GALNT13: variants seen among roughly 807,000 people sequenced by gnomAD.
The protein encoded by GALNT13 is UDP-GalNAc:polypeptide N-acetylgalactosaminyltransferase 13.
GALNT13 carries 28 observed loss-of-function variants against 64.2 expected under a neutral mutation model. The ratio of observed to expected loss-of-function variants is 0.44; its 90% CI spans 0.32 to 0.60. GALNT13 has a LOEUF of 0.60. Ranked by LOEUF, GALNT13 falls within the 20% of genes least tolerant of loss-of-function variation. GALNT13 has a pLI of 0.05. For missense variants in GALNT13, 577 were observed against 669.8 expected (o/e 0.86, Z 1.53); for synonymous variants, 214 against 224.6 (o/e 0.95, Z 0.42).
the GALNT13 span, among the ~76,000 whole-genome samples, chr2:153,578,385 C>T: frequency 6.6e-6 from 1 of 152,060 alleles, no homozygotes; most frequent in Non-Finnish European, 1.5e-5. Flanking sequence ...GTAATATTGG[C>T]CTAAGACAGT....
the GALNT13 span, among the ~76,000 whole-genome samples, chr2:153,633,381 G>A: frequency 1.3e-5 from 2 of 152,080 alleles, no homozygotes; most frequent in Non-Finnish European, 2.9e-5. Context: ...TCACCAAGTA[G>A]TCATTTTTTT....
At chr2:153,660,990 G>A in the GALNT13 span, among the ~76,000 whole-genome samples, 1 of 152,116 alleles carries the variant, frequency 6.6e-6, no homozygotes, top group Non-Finnish European at 1.5e-5. Context: ...TGCATAGCTG[G>A]AGGTGATGAT....
the GALNT13 span, among the ~76,000 whole-genome samples, chr2:153,623,070 G>C: frequency 1.3e-5 from 2 of 152,022 alleles, no homozygotes; most frequent in Non-Finnish European, 2.9e-5. Context: ...TATTAATTCT[G>C]ATGCTTAGCT....
chr2:153,531,418 G>T, the GALNT13 span, among the ~76,000 whole-genome samples: 3 of 152,070 alleles, frequency 2.0e-5, no homozygotes, highest in Non-Finnish European at 4.4e-5. Context: ...AAGCTTTATT[G>T]GGATGGTGCT....
At chr2:153,196,449 T>G in the GALNT13 span, among the ~76,000 whole-genome samples, 1 of 152,026 alleles carries the variant, frequency 6.6e-6, no homozygotes, top group Non-Finnish European at 1.5e-5. Context: ...CCATTCCTAC[T>G]TCAGGATTGG....
intron 4 of GALNT13, among the ~76,000 whole-genome samples, chr2:154,161,375 G>GA (rs142991055): frequency 1.5e-4 from 22 of 149,502 alleles, no homozygotes; most frequent in Non-Finnish European, 2.5e-4. Context: ...GTCTGGAGTA[G>GA]AAAAAAAAAA....
At position 153,944,378 on chromosome 2, in the gene GALNT13, C is replaced by G. The variant is rs1461071452; in HGVS notation, c.-104-16C>G. The G allele has an allele frequency of 7.4e-6, 6 of 811,742 alleles. No homozygotes were observed. The South Asian group carries it at 1.4e-4, about 18-fold the overall frequency. 50.3% of individuals were successfully genotyped at this position (811,742 alleles called of 1,614,324 possible). The stretch of plus-strand genomic sequence containing the variant: ...TGTGTACAATTAATGAAATTTTCTT[C>G]TTTGTTTTAATGCAGTGGAATGTAT... On this transcript the variant is annotated splice_polypyrimidine_tract_variant and intron_variant, in intron 2 of 12. Transcript: ENST00000392825.
At chr2:154,337,334 T>C (rs1222673440) in intron 9 of GALNT13, among the ~76,000 whole-genome samples, 1 of 152,090 alleles carries the variant, frequency 6.6e-6, no homozygotes, top group Admixed American at 6.6e-5. Flanking sequence ...ATTGCTTTAT[T>C]GGTAAATTAT....
chr2:153,069,773 C>T, the GALNT13 span, among the ~76,000 whole-genome samples: 3 of 152,140 alleles, frequency 2.0e-5, no homozygotes, highest in African/African-American at 7.2e-5. Flanking sequence ...TGAATTTCAC[C>T]TATTTGCAAA....
chr2:153,092,298 T>C, the GALNT13 span, among the ~76,000 whole-genome samples: 4 of 152,170 alleles, frequency 2.6e-5, no homozygotes, highest in South Asian at 8.3e-4. Flanking sequence ...TTTGTTCCTT[T>C]TTTAGGATAG....
chr2:154,418,339 C>CT (rs1228612619), intron 11 of GALNT13, among the ~76,000 whole-genome samples: 2 of 151,998 alleles, frequency 1.3e-5, no homozygotes, highest in Admixed American at 1.3e-4. Flanking sequence ...TGTGTTTTAC[C>CT]TTATGTGGCA....
chr2:154,354,757 C>T (rs1489887313), intron 9 of GALNT13, among the ~76,000 whole-genome samples: 1 of 151,904 alleles, frequency 6.6e-6, no homozygotes, highest in African/African-American at 2.4e-5. Context: ...TCTAGGTTCT[C>T]TTCTATTCCA....
At chr2:154,351,509 C>A (rs1319664791) in intron 9 of GALNT13, among the ~76,000 whole-genome samples, 1 of 151,518 alleles carries the variant, frequency 6.6e-6, no homozygotes, top group Non-Finnish European at 1.5e-5. Context: ...CGGTGAAACC[C>A]CGTCTCTACT....
chr2:153,984,390 G>GTA (rs1450554012), intron 3 of GALNT13, among the ~76,000 whole-genome samples: 1 of 151,696 alleles, frequency 6.6e-6, no homozygotes, highest in Non-Finnish European at 1.5e-5. Flanking sequence ...GAAGACTGTA[G>GTA]TATACTAAAG....
chr2:154,268,320 T>G (rs1223570946), intron 8 of GALNT13, among the ~76,000 whole-genome samples: 1 of 152,200 alleles, frequency 6.6e-6, no homozygotes, highest in Non-Finnish European at 1.5e-5. Context: ...GCAAAAAGAT[T>G]ACATACTATA....
the GALNT13 span, among the ~76,000 whole-genome samples, chr2:153,584,217 GC>G: frequency 6.6e-6 from 1 of 152,110 alleles, no homozygotes. Flanking sequence ...CCTGAGAACT[GC>G]CCCACCCCAT....
At chr2:153,687,047 T>C in the GALNT13 span, among the ~76,000 whole-genome samples, 122 of 152,212 alleles carry the variant, frequency 8.0e-4, no homozygotes, top group Admixed American at 1.8e-3. Flanking sequence ...TTTGCCAGTA[T>C]TTTGCACAGG....
At chr2:153,884,823 ATATATG>A (rs1274105697) in intron 1 of GALNT13, among the ~76,000 whole-genome samples, 1 of 106,414 alleles carries the variant, frequency 9.4e-6, no homozygotes, top group Non-Finnish European at 1.8e-5. Flanking sequence ...GTGTGTGTAT[ATATATG>A]TGTGTGTGTG....
chr2:153,248,050 T>C, the GALNT13 span, among the ~76,000 whole-genome samples: 5 of 152,198 alleles, frequency 3.3e-5, no homozygotes, highest in African/African-American at 1.2e-4. Context: ...TAACAAGTTC[T>C]GAAATTCAGG....
Sources: allele counts gnomAD v4.1 joint callset (sites outside exome capture counted in the v4.1 genomes callset), GRCh38; gene constraint gnomAD v4.1.1; transcripts MANE v1.5; gene names NCBI Gene and HGNC (gene_info 2026-07-23, HGNC 2026-07-21).